The following TENM4 variants were observed in gnomAD, a reference collection of about 807,000 sequenced individuals.
The protein encoded by TENM4 is teneurin transmembrane protein 4.
In TENM4, 82 loss-of-function variants were observed where a neutral mutation model predicts 243.3. That is an observed-to-expected ratio of 0.34 (90% CI 0.28 to 0.40). TENM4 has a LOEUF of 0.40. Among genes scored for constraint, TENM4 ranks in the 10% least tolerant of loss-of-function variants. TENM4 has a pLI of 1.00. For synonymous variants in TENM4, 1,412 were observed against 1,456.3 expected (o/e 0.97, Z 0.69); for missense variants, 3,138 against 3,673.3 (o/e 0.85, Z 3.77).
intron 4 of TENM4, among the ~76,000 whole-genome samples, chr11:79,147,535 T>A (rs757368149): frequency 6.6e-6 from 1 of 152,092 alleles, no homozygotes; most frequent in Non-Finnish European, 1.5e-5. Context: ...TTATGAGATG[T>A]GAACACTACT....
intron 12 of TENM4, among the ~76,000 whole-genome samples, chr11:78,818,812 T>C (rs1347313619): frequency 6.6e-6 from 1 of 152,200 alleles, no homozygotes; most frequent in African/African-American, 2.4e-5. Flanking sequence ...TGCCTTCATT[T>C]AGCAGAAGGT....
At chr11:79,062,755 A>G (rs1860135175) in intron 6 of TENM4, among the ~76,000 whole-genome samples, 1 of 152,216 alleles carries the variant, frequency 6.6e-6, no homozygotes, top group Admixed American at 6.5e-5. Context: ...GACCAGTAAT[A>G]GAACTGAGGC....
chr11:78,773,646 C>A (rs1338880168), intron 17 of TENM4, among the ~76,000 whole-genome samples: 1 of 152,184 alleles, frequency 6.6e-6, no homozygotes, highest in Non-Finnish European at 1.5e-5. Flanking sequence ...AATTACTCAA[C>A]TCTGCCGTTA....
At position 79,157,868 on chromosome 11, in the gene TENM4, A is replaced by G. The variant is rs544233752; in HGVS notation, c.-162-9062T>C. On this transcript the variant is annotated intron_variant, in intron 3 of 33. Transcript: ENST00000278550. ...TTTTTACCATTGTATCTACAGCAGCAGGGAACCAGCAAATGCTCAGGAAAC... is the reference window on the plus strand; with the variant it reads ...TTTTTACCATTGTATCTACAGCAGCGGGGAACCAGCAAATGCTCAGGAAAC... 2.0e-4 allele frequency among the ~76,000 whole-genome samples: 31 copies of G among 152,346 alleles called. No individual in the cohort carries two copies. In the East Asian group the frequency reaches 2.7e-3, roughly 13 times the overall value.
At chr11:78,919,113 G>C (rs670816) in intron 6 of TENM4, among the ~76,000 whole-genome samples, 78,341 of 152,132 alleles carry the variant, frequency 0.51, 24,229 homozygotes, top group East Asian at 0.78. Context: ...ATCTAAATGT[G>C]TATTCACTAT....
At chr11:78,902,328 A>C (rs1389186015) in intron 7 of TENM4, among the ~76,000 whole-genome samples, 1 of 152,202 alleles carries the variant, frequency 6.6e-6, no homozygotes, top group Non-Finnish European at 1.5e-5. Context: ...AACAAACTTC[A>C]TTTTGGAAAA....
chr11:79,137,981 C>T (rs575854683), intron 4 of TENM4, among the ~76,000 whole-genome samples: 28 of 151,694 alleles, frequency 1.8e-4, no homozygotes, highest in Non-Finnish European at 3.8e-4. Context: ...AGTACTGATC[C>T]TGGGTGTGTG....
At chr11:79,298,564 T>C (rs1309408574) in intron 1 of TENM4, among the ~76,000 whole-genome samples, 1 of 144,644 alleles carries the variant, frequency 6.9e-6, no homozygotes, top group Admixed American at 6.9e-5. Flanking sequence ...ACAGGGAAAC[T>C]GGACCGGCTG....
Position 79,203,905 on chromosome 11 carries a change from A to G in TENM4, c.-163+11903T>C, listed in dbSNP as rs114890967. On this transcript the variant is annotated intron_variant, in intron 3 of 33. Coordinates refer to ENST00000278550, the MANE Select transcript of TENM4 (RefSeq NM_001098816.3). The stretch of plus-strand genomic sequence containing the variant: ...CTATATTTGGCAAGAAAAAGGAATG[A>G]AGTACTAACACATACTACAACCTAG... Among the ~76,000 whole-genome samples, 1,172 of 152,362 alleles carry G rather than the reference A, an allele frequency of 7.7e-3. 17 individuals carry two copies. The highest frequency in any genetic ancestry group is 0.027 in the African/African-American group (1,114 of 41,576).
At chr11:79,152,517 A>G (rs143017278) in intron 3 of TENM4, among the ~76,000 whole-genome samples, 1,869 of 152,346 alleles carry the variant, frequency 0.012, 50 homozygotes, top group East Asian at 0.074. Flanking sequence ...TAGATATATC[A>G]TGGCTGTAAT....
chr11:78,896,649 T>C (rs1855805292), intron 7 of TENM4, among the ~76,000 whole-genome samples: 1 of 152,104 alleles, frequency 6.6e-6, no homozygotes, highest in Non-Finnish European at 1.5e-5. Flanking sequence ...CCTGGCTCTG[T>C]GCCTATCTCT....
At chr11:79,163,790 T>TAC (rs772936269) in intron 3 of TENM4, among the ~76,000 whole-genome samples, 1,043 of 45,484 alleles carry the variant, frequency 0.023, 11 homozygotes, top group African/African-American at 0.092. Flanking sequence ...CATATATATA[T>TAC]ACACACACAT....
At position 78,654,355 on chromosome 11, in the gene TENM4, CCA is replaced by C. The variant is rs1857838983; in HGVS notation, c.*3701_*3702del. Reference sequence around the variant, plus strand: ...CATCACCGCCCTCACCACATGGCCACCACAAATACAAGACTGCAAGTGGTAAA... The same window carrying C: ...CATCACCGCCCTCACCACATGGCCACCAAATACAAGACTGCAAGTGGTAAA... On this transcript the variant is annotated 3_prime_UTR_variant, in exon 34 of 34. Transcript: ENST00000278550. 6.6e-6 allele frequency: 1 copy of C among 152,166 alleles called. No homozygotes were observed. Among genetic ancestry groups the C allele is most frequent in the Non-Finnish European group, 1.5e-5 (1 of 68,030 alleles). 9.4% of individuals were successfully genotyped at this position (152,166 alleles called of 1,614,324 possible). A position where few individuals can be genotyped will look rare whatever the true frequency, so the allele number is the denominator to read the frequency against.
In TENM4 at chr11:78,669,327, C is replaced by T. The variant is rs1229398455; in HGVS notation, c.7018G>A (p.Asp2340Asn). 3.1e-6 allele frequency: 5 copies of T among 1,613,784 alleles called. No homozygotes were observed. The highest frequency in any genetic ancestry group is 4.2e-6 in the Non-Finnish European group (5 of 1,179,790). Residue 2340 changes from aspartate to asparagine, a missense_variant, in exon 32 of 34, where the codon GAC becomes AAC. By Grantham distance (23) the Asp-to-Asn change is conservative. Coordinates refer to ENST00000278550, the MANE Select transcript of TENM4 (RefSeq NM_001098816.3). This position sits in a 1 kb window ranked among gnomAD's most constrained non-coding sequence, Gnocchi z 6.4. ...SSSEITSLYY[D>N]LQGHLFAMEL... ...ATGGCAAAGAGGTGTCCTTGCAAGTCGTAGTAGAGGGAGGTGATCTCAGAG... is the reference window on the plus strand; with the variant it reads ...ATGGCAAAGAGGTGTCCTTGCAAGTTGTAGTAGAGGGAGGTGATCTCAGAG...
chr11:78,850,421 C>T (rs17137248), intron 12 of TENM4, among the ~76,000 whole-genome samples: 3,418 of 152,102 alleles, frequency 0.022, 106 homozygotes, highest in African/African-American at 0.077. Context: ...TAAGCAAACC[C>T]GAGAGTTACA....
chr11:78,788,588 C>T (rs1440362951), intron 15 of TENM4, among the ~76,000 whole-genome samples: 1 of 152,234 alleles, frequency 6.6e-6, no homozygotes, highest in South Asian at 2.1e-4. Flanking sequence ...TGCTGCCTTG[C>T]AGCAGCCCTT....
In TENM4 at chr11:79,438,157, G is replaced by A. The variant is rs1859317575; in HGVS notation, c.-321+2352C>T. Among the ~76,000 whole-genome samples the A allele has an allele frequency of 2.0e-5, 3 of 152,136 alleles. No homozygotes were observed. The highest frequency in any genetic ancestry group is 7.2e-5 in the African/African-American group (3 of 41,434). ...TGCACATCACCATCTCCTGACTGCG[G>A]GCTGGGGGGAAGGGAGTTCAGGGCC... On this transcript the variant is annotated intron_variant, in intron 1 of 33. Transcript: ENST00000278550. This position sits in a 1 kb window ranked among gnomAD's most constrained non-coding sequence, Gnocchi z 4.1.
chr11:79,104,923 A>G (rs1861327423), intron 4 of TENM4, among the ~76,000 whole-genome samples: 1 of 152,200 alleles, frequency 6.6e-6, no homozygotes, highest in African/African-American at 2.4e-5. Flanking sequence ...CTAAGCCTCA[A>G]CTGAACGGCT....
At chr11:78,943,278 G>A (rs143362533) in intron 6 of TENM4, among the ~76,000 whole-genome samples, 1 of 152,224 alleles carries the variant, frequency 6.6e-6, no homozygotes, top group Admixed American at 6.5e-5. Flanking sequence ...CCTAAAGGAA[G>A]TATGTTCTGA....
Sources: gnomAD v4.1 joint callset for allele counts (sites outside exome capture counted in the v4.1 genomes callset) on GRCh38, gnomAD v4.1.1 for gene constraint, Gnocchi (gnomAD v3.1) non-coding constraint, MANE v1.5 for transcripts, NCBI Gene and HGNC (gene_info 2026-07-23, HGNC 2026-07-21) for gene names.